The following DOK5 variants were observed in gnomAD, a reference collection of about 807,000 sequenced individuals.
DOK5 encodes the protein docking protein 5, also known as downstream of tyrosine kinase 5.
Under a neutral mutation model 43.3 loss-of-function variants are expected in DOK5, and 27 were observed. That is an observed-to-expected ratio of 0.62 (90% CI 0.46 to 0.86). The LOEUF is 0.86. Ranked by LOEUF, DOK5 falls within the 40% of genes least tolerant of loss-of-function variation. The pLI is 0.00. For synonymous variants in DOK5, 146 were observed against 140.1 expected (o/e 1.04, Z -0.30); for missense variants, 373 against 392.9 (o/e 0.95, Z 0.43).
chr20:54,590,870 T>A (rs56371656), intron 4 of DOK5, among the ~76,000 whole-genome samples: 9,735 of 152,284 alleles, frequency 0.064, 350 homozygotes, highest in Middle Eastern at 0.099. Context: ...CAAAAACTTC[T>A]TAATGAATTT....
intron 1 of DOK5, among the ~76,000 whole-genome samples, chr20:54,530,806 T>C (rs1040330372): frequency 4.6e-5 from 7 of 152,120 alleles, no homozygotes; most frequent in Non-Finnish European, 7.4e-5. Flanking sequence ...AAGGGAAGCT[T>C]CCTTTCACCC....
In DOK5 at chr20:54,606,654, A is replaced by G. The variant is rs181970946; in HGVS notation, c.600-3734A>G. On this transcript the variant is annotated intron_variant, in intron 5 of 7. Coordinates refer to ENST00000262593, the MANE Select transcript of DOK5 (RefSeq NM_018431.5). Reference sequence around the variant, plus strand: ...TCATATGGTTTTGATGGAGGCATGTAGTAACATTTTAGAGTGTTGTAAAGC... The same window carrying G: ...TCATATGGTTTTGATGGAGGCATGTGGTAACATTTTAGAGTGTTGTAAAGC... Among the ~76,000 whole-genome samples the G allele has an allele frequency of 2.9e-3, 442 of 152,248 alleles. 1 individual carries two copies. Among genetic ancestry groups the G allele is most frequent in the Non-Finnish European group, 5.2e-3 (352 of 68,018 alleles).
At chr20:54,608,910 G>C (rs1163775377) in intron 5 of DOK5, among the ~76,000 whole-genome samples, 1 of 152,046 alleles carries the variant, frequency 6.6e-6, no homozygotes, top group African/African-American at 2.4e-5. Context: ...CCTGACCTTA[G>C]ATCATCCGCC....
chr20:54,569,366 G>A (rs1202008685), intron 2 of DOK5, among the ~76,000 whole-genome samples: 1 of 152,044 alleles, frequency 6.6e-6, no homozygotes, highest in Non-Finnish European at 1.5e-5. Context: ...GTAATTAATG[G>A]CTCTACCTCC....
chr20:54,625,406 C>T (rs1462564782), intron 6 of DOK5, among the ~76,000 whole-genome samples: 1 of 152,158 alleles, frequency 6.6e-6, no homozygotes, highest in Non-Finnish European at 1.5e-5. Flanking sequence ...GGCCAGTTGC[C>T]ATTTCTTTAA....
Position 54,650,900 on chromosome 20 carries a change from A to G in DOK5, c.*421A>G, listed in dbSNP as rs1189510551. ...TTTTAATTATTTGTTATTTGTTTAC[A>G]CCCTATTCCTCAGTTATTATTACTG... is the stretch of plus-strand genomic sequence containing the variant. On this transcript the variant is annotated 3_prime_UTR_variant, in exon 8 of 8. Coordinates refer to ENST00000262593, the MANE Select transcript of DOK5 (RefSeq NM_018431.5). 6.4e-6 allele frequency: 1 copy of G among 157,472 alleles called. No homozygotes were observed. Among genetic ancestry groups the G allele is most frequent in the African/African-American group, 2.4e-5 (1 of 41,530 alleles). 9.8% of individuals were successfully genotyped at this position (157,472 alleles called of 1,614,324 possible).
At chr20:54,585,741 G>T (rs760070415) in intron 2 of DOK5, among the ~76,000 whole-genome samples, 3 of 152,132 alleles carry the variant, frequency 2.0e-5, no homozygotes, top group African/African-American at 7.2e-5. Flanking sequence ...TTAACCTTTC[G>T]CAGTCTAGTT....
chr20:54,645,925 C>CAA (rs550943378), intron 7 of DOK5, among the ~76,000 whole-genome samples: 26 of 85,876 alleles, frequency 3.0e-4, no homozygotes, highest in Non-Finnish European at 4.6e-4. Context: ...GCAGATGCTG[C>CAA]AAAAAAAAAA....
At chr20:54,590,520 G>T (rs987315492) in intron 4 of DOK5, among the ~76,000 whole-genome samples, 1 of 151,870 alleles carries the variant, frequency 6.6e-6, no homozygotes, top group African/African-American at 2.4e-5. Flanking sequence ...TTTCAAGGGG[G>T]GGGAATATGC....
intron 6 of DOK5, among the ~76,000 whole-genome samples, chr20:54,614,508 T>C (rs1986747117): frequency 1.3e-5 from 2 of 152,236 alleles, no homozygotes; most frequent in Non-Finnish European, 2.9e-5. Flanking sequence ...CGTAGAGCCA[T>C]CAATTAGCAT....
Position 54,554,928 on chromosome 20 carries a change from T to G in DOK5, c.67-5T>G. On this transcript the variant is annotated splice_polypyrimidine_tract_variant and splice_region_variant and intron_variant, in intron 1 of 7. Transcript: ENST00000262593. ...GCTGAGCTCAGTCTTTGTATTTCCT[T>G]CCAGATTTATCAGCGATGCTGGTTA... 1 of 1,598,266 alleles carries G rather than the reference T, an allele frequency of 6.3e-7. No individual in the cohort carries two copies. Among genetic ancestry groups the G allele is most frequent in the African/African-American group, 1.3e-5 (1 of 74,714 alleles).
intron 5 of DOK5, among the ~76,000 whole-genome samples, chr20:54,601,287 G>A (rs969106764): frequency 6.6e-6 from 1 of 152,212 alleles, no homozygotes; most frequent in Non-Finnish European, 1.5e-5. Flanking sequence ...TACACATTGT[G>A]TTTGAGTTTA....
chr20:54,637,984 T>C (rs1282612347), intron 6 of DOK5, among the ~76,000 whole-genome samples: 6 of 152,122 alleles, frequency 3.9e-5, no homozygotes, highest in Non-Finnish European at 5.9e-5. Context: ...CAGCCAGGCG[T>C]GGTGGCGGGC....
At chr20:54,550,221 CAT>C (rs904156330) in intron 1 of DOK5, among the ~76,000 whole-genome samples, 1 of 149,514 alleles carries the variant, frequency 6.7e-6, no homozygotes, top group African/African-American at 2.5e-5. Context: ...ATGTAGATGA[CAT>C]ATGTTAGATT....
At chr20:54,632,121 G>A (rs966066571) in intron 6 of DOK5, among the ~76,000 whole-genome samples, 10 of 152,306 alleles carry the variant, frequency 6.6e-5, no homozygotes, top group African/African-American at 1.9e-4. Context: ...TGCAGGGGTC[G>A]TGGCTGAATG....
At chr20:54,493,345 C>T (rs1982267936) in intron 1 of DOK5, among the ~76,000 whole-genome samples, 1 of 152,096 alleles carries the variant, frequency 6.6e-6, no homozygotes, top group African/African-American at 2.4e-5. Context: ...TTAGTTCCTC[C>T]AGTAGGCACG....
chr20:54,537,260 C>T (rs894438526), intron 1 of DOK5, among the ~76,000 whole-genome samples: 2 of 152,198 alleles, frequency 1.3e-5, no homozygotes, highest in South Asian at 4.1e-4. Flanking sequence ...TAGAGGCATC[C>T]TGTTGAAAGA....
In DOK5 at chr20:54,486,571, GCACA is replaced by G. The variant is rs144765725; in HGVS notation, c.66+10573_66+10576del. The stretch of plus-strand genomic sequence containing the variant: ...TTTCTCATTTTACACACACACACAT[GCACA>G]CACACACACACACGATTTAATTGGT... On this transcript the variant is annotated intron_variant, in intron 1 of 7. Coordinates refer to ENST00000262593, the MANE Select transcript of DOK5 (RefSeq NM_018431.5). Among the ~76,000 whole-genome samples the G allele has an allele frequency of 1.5e-3, 224 of 149,560 alleles. 3 individuals carry two copies. In the East Asian group the frequency reaches 0.027, roughly 18 times the overall value.
intron 2 of DOK5, among the ~76,000 whole-genome samples, chr20:54,566,705 G>A (rs1985111219): frequency 6.6e-6 from 1 of 152,096 alleles, no homozygotes. Context: ...CGGCCTTGAA[G>A]GCCTGGCCTC....
Sources: gnomAD v4.1 joint callset for allele counts (sites outside exome capture counted in the v4.1 genomes callset) on GRCh38, gnomAD v4.1.1 for gene constraint, MANE v1.5 for transcripts, NCBI Gene and HGNC (gene_info 2026-07-23, HGNC 2026-07-21) for gene names.